FAM13C: variants seen among roughly 807,000 people sequenced by gnomAD.
FAM13C encodes protein FAM13C.
Under a neutral mutation model 73.2 loss-of-function variants are expected in FAM13C, and 37 were observed. The observed-to-expected ratio is 0.51, with a 90% CI of 0.39 to 0.67. The LOEUF is 0.67. Ranked by LOEUF, FAM13C falls within the 30% of genes least tolerant of loss-of-function variation. The probability of loss-of-function intolerance (pLI) is 0.00; values close to 1 mark genes in which losing one functional copy is unlikely to be tolerated. For synonymous variants in FAM13C, 246 were observed against 260.9 expected, an observed-to-expected ratio of 0.94 and a Z score of 0.55; for missense variants, 589 against 715.6, an observed-to-expected ratio of 0.82 and a Z score of 2.02.
At chr10:59,327,369 T>G (rs2134062765) in intron 3 of FAM13C, among the ~76,000 whole-genome samples, 1 of 152,318 alleles carries the variant, frequency 6.6e-6, no homozygotes, top group East Asian at 1.9e-4. Context: ...AGAATAGTAG[T>G]ACTCAATCAA....
intron 6 of FAM13C, among the ~76,000 whole-genome samples, chr10:59,281,895 T>C (rs1046239898): frequency 3.3e-5 from 5 of 152,238 alleles, no homozygotes; most frequent in African/African-American, 1.2e-4. Flanking sequence ...AGTTAACTTG[T>C]ACTTGGCTTG....
At chr10:59,357,274 C>G (rs766661038) in intron 1 of FAM13C, among the ~76,000 whole-genome samples, 2 of 152,200 alleles carry the variant, frequency 1.3e-5, no homozygotes, top group Non-Finnish European at 2.9e-5. Flanking sequence ...AACCTTAATT[C>G]ATAAACATTT....
At chr10:59,306,206 G>T (rs1282269051) in intron 4 of FAM13C, among the ~76,000 whole-genome samples, 1 of 152,150 alleles carries the variant, frequency 6.6e-6, no homozygotes, top group Non-Finnish European at 1.5e-5. Flanking sequence ...TAACCAAGTA[G>T]CAAACTTTCA....
intron 5 of FAM13C, among the ~76,000 whole-genome samples, chr10:59,288,593 A>C (rs954130639): frequency 1.3e-5 from 2 of 152,162 alleles, no homozygotes; most frequent in African/African-American, 4.8e-5. Context: ...AAGGAGATCT[A>C]GTTGTGTGGC....
intron 1 of FAM13C, among the ~76,000 whole-genome samples, chr10:59,357,588 C>T (rs1364208618): frequency 1.3e-5 from 2 of 152,212 alleles, no homozygotes; most frequent in African/African-American, 4.8e-5. Flanking sequence ...CGCAAACTCT[C>T]AGGGCTTAGG....
chr10:59,324,133 T>C, intron 3 of FAM13C, 27 bp from the exon 4 acceptor site: 1 of 1,578,686 alleles, frequency 6.3e-7, no homozygotes, highest in African/African-American at 1.3e-5. Context: ...CAAAAGTAGA[T>C]GAGCTGTCAA....
At chr10:59,360,847 T>C (rs1289966605) in intron 1 of FAM13C, among the ~76,000 whole-genome samples, 2 of 101,218 alleles carry the variant, frequency 2.0e-5, no homozygotes, top group East Asian at 6.8e-4. Flanking sequence ...CCACGAAACC[T>C]CTACAGAAAA....
chr10:59,254,366 A>G lies in FAM13C; in HGVS notation c.1314T>C (p.Pro438=). The G allele has an allele frequency of 6.4e-7, 1 of 1,553,574 alleles. No individual in the cohort carries two copies. Among genetic ancestry groups the G allele is most frequent in the Non-Finnish European group, 8.7e-7 (1 of 1,147,432 alleles). ...GACTTACAATTGTTGGAATAAGGGAAGGTGTTGACAAGATTTGCTTGATAA... is the reference window on the plus strand; with the variant it reads ...GACTTACAATTGTTGGAATAAGGGAGGGTGTTGACAAGATTTGCTTGATAA... ...YRIIKQILST[P]SLIPTIQEEE... The change falls in exon 11 of 14, where the codon CCT becomes CCC. Residue 438 remains proline, a synonymous_variant. Coordinates refer to ENST00000618804, the MANE Select transcript of FAM13C (RefSeq NM_198215.4).
chr10:59,352,160 G>T, intron 3 of FAM13C, 110 bp downstream of exon 3: 1 of 1,244,466 alleles, frequency 8.0e-7, no homozygotes, highest in African/African-American at 1.5e-5. Context: ...ATGACAAGTC[G>T]TGCCAATCCC....
At chr10:59,353,052 C>A (rs1297422970) in intron 2 of FAM13C, among the ~76,000 whole-genome samples, 1 of 152,192 alleles carries the variant, frequency 6.6e-6, no homozygotes, top group East Asian at 1.9e-4. Flanking sequence ...TAGGCATGGG[C>A]CAAATTTTAC....
intron 3 of FAM13C, among the ~76,000 whole-genome samples, chr10:59,347,975 C>T (rs1277057346): frequency 1.3e-5 from 2 of 152,092 alleles, no homozygotes; most frequent in African/African-American, 2.4e-5. Flanking sequence ...GTGAATAGTG[C>T]TGCAATAAAC....
At chr10:59,324,173 T>G (rs1850761312) in intron 3 of FAM13C, 67 bp from the exon 4 acceptor site, 1 of 1,278,884 alleles carries the variant, frequency 7.8e-7, no homozygotes, top group Non-Finnish European at 1.1e-6. Context: ...ATTATTATGC[T>G]GGAAGTGGGT....
At chr10:59,277,101 T>C (rs1045409113) in intron 6 of FAM13C, among the ~76,000 whole-genome samples, 4 of 152,166 alleles carry the variant, frequency 2.6e-5, no homozygotes, top group South Asian at 4.1e-4. Flanking sequence ...AGAGGTTCAA[T>C]AGTGGCAGAT....
chr10:59,319,946 A>AT (rs1849999736), intron 4 of FAM13C, among the ~76,000 whole-genome samples: 1 of 152,202 alleles, frequency 6.6e-6, no homozygotes, highest in Non-Finnish European at 1.5e-5. Flanking sequence ...AATATCAGCC[A>AT]TCACCATATG....
intron 2 of FAM13C, among the ~76,000 whole-genome samples, chr10:59,354,724 C>A (rs1314068180): frequency 6.6e-6 from 1 of 152,078 alleles, no homozygotes; most frequent in African/African-American, 2.4e-5. Flanking sequence ...AGAGAGAGTT[C>A]TTTTTGGTTT....
At chr10:59,296,152 A>G (rs1347470937) in intron 5 of FAM13C, among the ~76,000 whole-genome samples, 1 of 152,236 alleles carries the variant, frequency 6.6e-6, no homozygotes, top group African/African-American at 2.4e-5. Context: ...CAAAATTAAC[A>G]CAATTTTGAG....
At chr10:59,310,646 A>T (rs1227897290) in intron 4 of FAM13C, among the ~76,000 whole-genome samples, 2 of 152,124 alleles carry the variant, frequency 1.3e-5, no homozygotes, top group African/African-American at 4.8e-5. Flanking sequence ...AAGTCCATGG[A>T]TGTTCAGAAA....
chr10:59,285,824 A>C (rs1223320964), intron 5 of FAM13C, among the ~76,000 whole-genome samples: 1 of 152,238 alleles, frequency 6.6e-6, no homozygotes, highest in Non-Finnish European at 1.5e-5. Flanking sequence ...GACAGAAAGA[A>C]GGCCATGTGA....
chr10:59,284,562 A>G (rs1317104935), intron 5 of FAM13C, among the ~76,000 whole-genome samples: 1 of 143,564 alleles, frequency 7.0e-6, no homozygotes, highest in Non-Finnish European at 1.5e-5. Flanking sequence ...CCCCTGCCAC[A>G]TACACACCCT....
Sources: allele counts gnomAD v4.1 joint callset (sites outside exome capture counted in the v4.1 genomes callset), GRCh38; gene constraint gnomAD v4.1.1; transcripts MANE v1.5; gene names NCBI Gene and HGNC (gene_info 2026-07-23, HGNC 2026-07-21).